The following HAVCR1 variants were observed in gnomAD, a reference collection of about 807,000 sequenced individuals.
HAVCR1 encodes the protein T cell immunoglobin domain and mucin domain protein 1.
Under a neutral mutation model 32.0 loss-of-function variants are expected in HAVCR1, and 34 were observed. The observed-to-expected ratio is 1.06, with a 90% CI of 0.81 to 1.42. HAVCR1 has a LOEUF of 1.42. Ranked by LOEUF, HAVCR1 falls within the 40% of genes most tolerant of loss-of-function variation. HAVCR1 has a pLI of 0.00. For synonymous variants in HAVCR1, 178 were observed against 170.3 expected (o/e 1.05, Z -0.35); for missense variants, 420 against 442.3 (o/e 0.95, Z 0.45).
chr5:157,064,905 C>T, the HAVCR1 span, among the ~76,000 whole-genome samples: 1 of 152,044 alleles, frequency 6.6e-6, no homozygotes, highest in Non-Finnish European at 1.5e-5. Context: ...ACCTGCATGA[C>T]CACAGGTTTT....
chr5:157,044,637 GAA>G (rs758358415), intron 5 of HAVCR1, among the ~76,000 whole-genome samples: 2 of 62,104 alleles, frequency 3.2e-5, no homozygotes, highest in African/African-American at 1.1e-4. Flanking sequence ...AAGAAAGAAA[GAA>G]AGAAAGAAAG....
chr5:157,041,239 T>C (rs943581531), intron 6 of HAVCR1, among the ~76,000 whole-genome samples: 2 of 152,222 alleles, frequency 1.3e-5, no homozygotes, highest in African/African-American at 4.8e-5. Context: ...GGCTCACGCC[T>C]GTAATTCCAG....
upstream of HAVCR1, among the ~76,000 whole-genome samples, chr5:157,059,993 AT>A (rs1256541812): frequency 6.6e-6 from 1 of 151,942 alleles, no homozygotes; most frequent in Non-Finnish European, 1.5e-5. Flanking sequence ...GGAAAAAAAG[AT>A]TGAAAAAAAA....
Position 157,042,668 on chromosome 5 carries a change from C to G in HAVCR1, c.796G>C (p.Val266Leu). The part of the protein sequence containing the change: ...YSYTTDGNDT[V>L]TESSDGLWNN... ...CAAAGGCCATCTGAAGACTCTGTCACGGTGTCATTCCCATCTACTCAACAA... is the reference window on the plus strand; with the variant it reads ...CAAAGGCCATCTGAAGACTCTGTCAGGGTGTCATTCCCATCTACTCAACAA... Residue 266 changes from valine to leucine, a missense_variant, in exon 6 of 9, where the codon GTG becomes CTG. Transcript: ENST00000523175. 2 of 1,586,514 alleles carry G rather than the reference C, an allele frequency of 1.3e-6. No individual in the cohort carries two copies. The highest frequency in any genetic ancestry group is 1.7e-6 in the Non-Finnish European group (2 of 1,156,274).
the HAVCR1 span, among the ~76,000 whole-genome samples, chr5:157,064,352 A>AG: frequency 9.6e-5 from 14 of 145,198 alleles, 1 homozygote; most frequent in Non-Finnish European, 1.1e-4. Context: ...AAAAAAAAAA[A>AG]AAAGAAAGAA....
intron 3 of HAVCR1, among the ~76,000 whole-genome samples, chr5:157,054,875 G>A (rs1274154703): frequency 6.6e-6 from 1 of 152,186 alleles, no homozygotes; most frequent in Non-Finnish European, 1.5e-5. Flanking sequence ...TATGTGCATA[G>A]TTTACATGCA....
chr5:157,064,017 G>A (rs1056341458), upstream of HAVCR1, among the ~76,000 whole-genome samples: 3 of 152,184 alleles, frequency 2.0e-5, no homozygotes, highest in African/African-American at 7.2e-5. Context: ...TGGGGCTTAG[G>A]AGCCATATTC....
rs1187371329 is a variant in HAVCR1, at chr5:157,029,792, T to A, written c.1036A>T (p.Lys346Ter). 2 of 1,612,398 alleles carry A rather than the reference T, an allele frequency of 1.2e-6. No homozygotes were observed. The highest frequency in any genetic ancestry group is 1.7e-5 in the Admixed American group (1 of 59,928). The change falls in exon 9 of 9, where the codon AAG becomes TAG. Residue 346 changes from lysine to a stop codon, truncating the protein, a stop_gained. Transcript: ENST00000523175. LOFTEE classifies it low-confidence loss of function (END_TRUNC). ...QIKALQNAVE[K>*]EVQAEDNIYI... ...ATATTGTCTTCTGCTTGGACTTCCT[T>A]TTCAACTGCATTTTGCAAAGCTTTA...
chr5:157,057,368 G>C (rs1188030184), intron 2 of HAVCR1, among the ~76,000 whole-genome samples: 9 of 138,896 alleles, frequency 6.5e-5, no homozygotes, highest in Non-Finnish European at 1.4e-4. Context: ...CATGAAGAGA[G>C]AGAGAGAGAG....
intron 7 of HAVCR1, 100 bp downstream of exon 7, chr5:157,037,147 G>C: frequency 1.3e-6 from 1 of 742,336 alleles, no homozygotes; most frequent in Non-Finnish European, 2.5e-6. Flanking sequence ...ACAAAGGGAA[G>C]TCGTGTGAAA....
At chr5:157,044,663 A>AAGAAAAGAAAGAAAG (rs1755248524) in intron 5 of HAVCR1, among the ~76,000 whole-genome samples, 1 of 141,574 alleles carries the variant, frequency 7.1e-6, no homozygotes, top group African/African-American at 2.8e-5. Flanking sequence ...GAAAGAAAGA[A>AAGAAAAGAAAGAAAG]AGAAAGAAAG....
intron 3 of HAVCR1, among the ~76,000 whole-genome samples, chr5:157,053,266 C>G (rs547004725): frequency 6.6e-6 from 1 of 151,526 alleles, no homozygotes; most frequent in South Asian, 2.1e-4. Context: ...TGCCTGAAAT[C>G]TCAGCTACTT....
chr5:157,066,623 G>A, the HAVCR1 span, among the ~76,000 whole-genome samples: 10 of 151,904 alleles, frequency 6.6e-5, no homozygotes, highest in East Asian at 1.7e-3. Context: ...GGGAAGAAAG[G>A]GAAAATTTGC....
At chr5:157,060,223 A>T (rs1418737414), upstream of HAVCR1, among the ~76,000 whole-genome samples, 1 of 150,686 alleles carries the variant, frequency 6.6e-6, no homozygotes, top group African/African-American at 2.4e-5. Flanking sequence ...CAGAAAAATA[A>T]TAATAATAAT....
the HAVCR1 span, among the ~76,000 whole-genome samples, chr5:157,065,342 T>C: frequency 6.6e-6 from 1 of 151,770 alleles, no homozygotes; most frequent in South Asian, 2.1e-4. Flanking sequence ...GCCAGGAGCC[T>C]GAATGAGGTA....
intron 4 of HAVCR1, among the ~76,000 whole-genome samples, chr5:157,050,320 C>T (rs1755664385): frequency 6.6e-6 from 1 of 152,158 alleles, no homozygotes; most frequent in African/African-American, 2.4e-5. Flanking sequence ...AACTTCTTTC[C>T]TAAGTTTGGG....
chr5:157,030,333 T>C (rs776717792), intron 8 of HAVCR1, among the ~76,000 whole-genome samples: 7 of 152,210 alleles, frequency 4.6e-5, no homozygotes, highest in Non-Finnish European at 8.8e-5. Context: ...TATAGTTAAA[T>C]AGTACTGTTT....
Position 157,052,555 on chromosome 5 carries a change from GTCGTCATTGGAACA to G in HAVCR1, c.465_478del (p.Val156CysfsTer63), listed in dbSNP as rs1755819651. The G allele has an allele frequency of 4.3e-6, 1 of 231,426 alleles. No individual in the cohort carries two copies. Among genetic ancestry groups the G allele is most frequent in the Non-Finnish European group, 5.8e-6 (1 of 173,360 alleles). The allele number at this position is 231,426 out of a possible 1,614,324, so 14.3% of individuals were successfully genotyped here. A position where few individuals can be genotyped will look rare whatever the true frequency, so the allele number is the denominator to read the frequency against. On this transcript the variant is annotated frameshift_variant, in exon 4 of 9. Coordinates refer to ENST00000523175, the MANE Select transcript of HAVCR1 (RefSeq NM_001173393.3). LOFTEE classifies it high-confidence loss of function. ...TGTTGGAACAGTTGTCGTTGGAACA[GTCGTCATTGGAACA>G]GTCGTTGTCGTTGGAACAGTGGTGC...
chr5:157,035,303 T>G (rs1380237537), intron 7 of HAVCR1, among the ~76,000 whole-genome samples: 1 of 152,158 alleles, frequency 6.6e-6, no homozygotes, highest in African/African-American at 2.4e-5. Flanking sequence ...ATATAAAAAC[T>G]TCCTCAAATT....
Sources: gnomAD v4.1 joint callset for allele counts (sites outside exome capture counted in the v4.1 genomes callset) on GRCh38, gnomAD v4.1.1 for gene constraint, MANE v1.5 for transcripts, NCBI Gene and HGNC (gene_info 2026-07-23, HGNC 2026-07-21) for gene names.